Variants in REPS2 observed in about 807,000 individuals in gnomAD.
REPS2 encodes RALBP1 associated Eps domain containing 2.
Under a neutral mutation model 53.6 loss-of-function variants are expected in REPS2, and 23 were observed. That is an observed-to-expected ratio of 0.43 (90% CI 0.31 to 0.61). The LOEUF is 0.61. REPS2 is among the 20% of genes least tolerant of loss of function. REPS2 has a pLI of 0.11. For missense variants in REPS2, 446 were observed against 534.9 expected (o/e 0.83, Z 1.64); for synonymous variants, 238 against 218.6 (o/e 1.09, Z -0.78).
At chrX:16,978,756 C>G (rs759765323) in intron 1 of REPS2, among the ~76,000 whole-genome samples, 1 of 111,689 alleles carries the variant, frequency 9.0e-6, no homozygotes, top group African/African-American at 3.3e-5. Context: ...CTTCTTTCAC[C>G]CTAGCAAAGA....
At chrX:16,990,991 C>T (rs1389860195) in intron 1 of REPS2, among the ~76,000 whole-genome samples, 1 of 110,366 alleles carries the variant, frequency 9.1e-6, no homozygotes, top group African/African-American at 3.3e-5. Flanking sequence ...GAAATGGAGC[C>T]ACGTGGGTCC....
At chrX:17,108,198 A>T (rs1603039352) in intron 14 of REPS2, among the ~76,000 whole-genome samples, 1 of 99,054 alleles carries the variant, frequency 1.0e-5, no homozygotes, top group Non-Finnish European at 2.0e-5. Flanking sequence ...TTTGAGATGG[A>T]GTTTCGCTCT....
chrX:17,128,478 T>A (rs752244447), intron 14 of REPS2, among the ~76,000 whole-genome samples: 380 of 111,309 alleles, frequency 3.4e-3, no homozygotes, highest in African/African-American at 0.011. Context: ...GAGTCCTCAG[T>A]AGCTAACACT....
chrX:17,042,707 C>T (rs1000141667), intron 5 of REPS2, among the ~76,000 whole-genome samples: 1 of 106,865 alleles, frequency 9.4e-6, no homozygotes, highest in Admixed American at 9.7e-5. Context: ...TCTGATATGG[C>T]TCCTGTCCTT....
At chrX:17,190,559 T>C in the REPS2 span, among the ~76,000 whole-genome samples, 14 of 112,547 alleles carry the variant, frequency 1.2e-4, no homozygotes, top group East Asian at 3.6e-3. Flanking sequence ...AATTGATTTA[T>C]AAATTCAATG....
rs2062346619 is a variant in REPS2, at chrX:17,074,037, GT to G, written c.1334-75del. The G allele has an allele frequency of 9.8e-6, 9 of 920,196 alleles. No individual in the cohort carries two copies. The East Asian group carries it at 2.9e-4, about 29-fold the overall frequency. 75.8% of individuals were successfully genotyped at this position (920,196 alleles called of 1,213,427 possible). A position where few individuals can be genotyped will look rare whatever the true frequency, so the allele number is the denominator to read the frequency against. On this transcript the variant is annotated intron_variant, in intron 11 of 17. Transcript: ENST00000357277. ...TTACCTCACATTTACCTGTTGATGT[GT>G]TCTGTACTAGCCCAGGTGCTGCATA...
intron 1 of REPS2, among the ~76,000 whole-genome samples, chrX:16,979,042 T>C (rs892079546): frequency 3.6e-5 from 4 of 112,184 alleles, no homozygotes; most frequent in African/African-American, 1.3e-4. Context: ...AAATTTCCGA[T>C]AGGCTTTACC....
intron 2 of REPS2, among the ~76,000 whole-genome samples, chrX:17,021,656 T>A (rs1419654073): frequency 8.9e-6 from 1 of 112,533 alleles, no homozygotes; most frequent in Non-Finnish European, 1.9e-5. Context: ...CCTTTATGAC[T>A]GTTTCTACTT....
intron 1 of REPS2, among the ~76,000 whole-genome samples, chrX:16,983,700 C>T (rs761614842): frequency 4.4e-5 from 5 of 112,523 alleles, no homozygotes; most frequent in East Asian, 2.8e-4. Flanking sequence ...GATGGGATTT[C>T]GCTATGTTGG....
At chrX:17,077,189 C>A in intron 12 of REPS2, 82 bp from the exon 13 acceptor site, 1 of 1,016,376 alleles carries the variant, frequency 9.8e-7, no homozygotes, top group Non-Finnish European at 1.3e-6. Context: ...ACTTTGACTT[C>A]GTGGGTATTT....
chrX:17,172,586 G>C, the REPS2 span, among the ~76,000 whole-genome samples: 1 of 111,570 alleles, frequency 9.0e-6, no homozygotes, highest in African/African-American at 3.3e-5. Flanking sequence ...GTTCTTTATA[G>C]CAATGTGAGA....
Position 16,947,079 on chromosome X carries a change from GC to G in REPS2, c.222del (p.Val75TrpfsTer39). ...VAPGTATAAAGPVADLFRASQ... is the reference protein window; with the variant it reads ...VAPGTATAAAXPVADLFRASQ... ...CCCGGCACGGCCACTGCGGCCGCCG[GC>G]CCCGTGGCTGACCTGTTTCGGGCAT... is the stretch of plus-strand genomic sequence containing the variant. On this transcript the variant is annotated frameshift_variant, in exon 1 of 18. Transcript: ENST00000357277. LOFTEE classifies it high-confidence loss of function. The G allele has an allele frequency of 1.8e-6, 2 of 1,081,964 alleles. No homozygotes were observed. Among genetic ancestry groups the G allele is most frequent in the Non-Finnish European group, 1.2e-6 (1 of 836,503 alleles). 89.2% of individuals were successfully genotyped at this position (1,081,964 alleles called of 1,213,427 possible).
intron 2 of REPS2, among the ~76,000 whole-genome samples, chrX:17,019,911 G>A (rs920505504): frequency 4.4e-5 from 5 of 112,386 alleles, no homozygotes; most frequent in Non-Finnish European, 1.9e-5. Context: ...CAGTTTAAGG[G>A]AAATGGCACC....
chrX:17,052,313 T>A (rs2062013853), intron 6 of REPS2, 69 bp from the exon 7 acceptor site: 1 of 879,815 alleles, frequency 1.1e-6, no homozygotes, highest in African/African-American at 2.0e-5. Context: ...TGTGATTCAT[T>A]TGTATATAAA....
At chrX:17,023,766 G>A (rs1490464908) in intron 3 of REPS2, among the ~76,000 whole-genome samples, 1 of 111,772 alleles carries the variant, frequency 8.9e-6, no homozygotes, top group African/African-American at 3.3e-5. Context: ...CACGGTGGTT[G>A]ATGCCCTGGG....
chrX:17,041,817 C>A (rs1018934205), intron 5 of REPS2, among the ~76,000 whole-genome samples: 3 of 112,304 alleles, frequency 2.7e-5, no homozygotes, highest in African/African-American at 9.7e-5. Flanking sequence ...TACACACACC[C>A]TTCTTAAGTT....
intron 1 of REPS2, among the ~76,000 whole-genome samples, chrX:16,951,745 T>C (rs2147599660): frequency 9.0e-6 from 1 of 111,360 alleles, no homozygotes; most frequent in East Asian, 2.8e-4. Flanking sequence ...AAATAAAATA[T>C]CTACCTTAAA....
At chrX:17,016,448 C>A (rs1318485429) in intron 2 of REPS2, among the ~76,000 whole-genome samples, 6 of 111,713 alleles carry the variant, frequency 5.4e-5, no homozygotes, top group African/African-American at 2.0e-4. Flanking sequence ...CTCTTGTCAC[C>A]CAGGCTGGAG....
At chrX:16,949,828 A>G (rs770181811) in intron 1 of REPS2, among the ~76,000 whole-genome samples, 3 of 111,275 alleles carry the variant, frequency 2.7e-5, no homozygotes, top group East Asian at 5.6e-4. Flanking sequence ...CTTACTCTCA[A>G]CGTCCCACAT....
Sources: gnomAD v4.1 joint callset for allele counts (sites outside exome capture counted in the v4.1 genomes callset) on GRCh38, gnomAD v4.1.1 for gene constraint, MANE v1.5 for transcripts, NCBI Gene and HGNC (gene_info 2026-07-23, HGNC 2026-07-21) for gene names.